DLC1: variants seen among roughly 807,000 people sequenced by gnomAD.
The protein encoded by DLC1 is DLC1 Rho GTPase activating protein.
Under a neutral mutation model 140.3 loss-of-function variants are expected in DLC1, and 54 were observed. The observed-to-expected ratio is 0.38, with a 90% CI of 0.31 to 0.48. The LOEUF (loss-of-function observed/expected upper bound fraction) is 0.48, where lower values mean the gene tolerates loss of function less well. DLC1 is among the 20% of genes least tolerant of loss of function. DLC1 has a pLI of 0.96. For missense variants in DLC1, 2,536 were observed against 1,907.0 expected (o/e 1.33, Z -6.14); for synonymous variants, 986 against 728.1 (o/e 1.35, Z -5.70).
At chr8:13,184,626 T>C (rs1442562412) in intron 5 of DLC1, among the ~76,000 whole-genome samples, 1 of 152,234 alleles carries the variant, frequency 6.6e-6, no homozygotes, top group Non-Finnish European at 1.5e-5. Context: ...AGTTTTGTAA[T>C]CCTGAGTTCT....
intron 2 of DLC1, among the ~76,000 whole-genome samples, chr8:13,472,460 G>C (rs1447032872): frequency 6.6e-6 from 1 of 152,130 alleles, no homozygotes; most frequent in Non-Finnish European, 1.5e-5. Flanking sequence ...TCATATTCTT[G>C]CGTAGAAATT....
At chr8:13,292,095 GT>G in intron 5 of DLC1, among the ~76,000 whole-genome samples, 1 of 151,418 alleles carries the variant, frequency 6.6e-6, no homozygotes, top group Non-Finnish European at 1.5e-5. Flanking sequence ...GTGATCTGCA[GT>G]TTTTTTGTTT....
At chr8:13,453,756 T>A (rs1799264862) in intron 2 of DLC1, among the ~76,000 whole-genome samples, 1 of 151,272 alleles carries the variant, frequency 6.6e-6, no homozygotes, top group African/African-American at 2.4e-5. Context: ...TACTTTGTTA[T>A]AATTGTAGAA....
chr8:13,196,716 C>T (rs1352514953), intron 5 of DLC1, among the ~76,000 whole-genome samples: 1 of 152,220 alleles, frequency 6.6e-6, no homozygotes, highest in Non-Finnish European at 1.5e-5. Context: ...GCTAAGAGAA[C>T]ATCTCATTTA....
intron 4 of DLC1, 93 bp from the exon 5 acceptor site, chr8:13,305,395 A>T: frequency 7.6e-7 from 1 of 1,319,350 alleles, no homozygotes; most frequent in South Asian, 1.5e-5. Flanking sequence ...AATGACGCAA[A>T]AATTAAATAG....
chr8:13,100,463 C>G lies in DLC1; in HGVS notation c.1874G>C (p.Cys625Ser). The G allele has an allele frequency of 6.2e-7, 1 of 1,613,614 alleles. No individual in the cohort carries two copies. The change falls in exon 9 of 18, where the codon TGC (cysteine) becomes TCC (serine). Residue 625 changes from cysteine (C) to serine (S), a missense_variant. Coordinates refer to ENST00000276297, the MANE Select transcript of DLC1 (RefSeq NM_182643.3). The stretch of plus-strand genomic sequence containing the variant: ...ATTGCCTGCCAAGTTGCTGGAGGAG[C>G]AAACGCTGATGACGGAGTTAGTCCG... ...TPRTNSVISV[C>S]SSSNLAGNDD...
intron 1 of DLC1, among the ~76,000 whole-genome samples, chr8:13,590,578 C>T (rs1023675589): frequency 8.6e-5 from 13 of 151,956 alleles, no homozygotes; most frequent in Admixed American, 1.3e-4. Context: ...TTTTGTTGTT[C>T]AGCTCCAGAA....
intron 4 of DLC1, among the ~76,000 whole-genome samples, chr8:13,388,106 C>T (rs1038506645): frequency 7.2e-5 from 11 of 151,962 alleles, no homozygotes; most frequent in Middle Eastern, 3.4e-3. Context: ...TTAATAAATT[C>T]CAGAATAAGA....
chr8:13,518,088 A>G (rs1211291005), upstream of DLC1, among the ~76,000 whole-genome samples: 1 of 142,174 alleles, frequency 7.0e-6, no homozygotes, highest in African/African-American at 2.6e-5. Flanking sequence ...GGTATTTTAA[A>G]GATCACCTTT....
At chr8:13,428,651 C>T (rs10503451) in intron 2 of DLC1, among the ~76,000 whole-genome samples, 23,141 of 151,756 alleles carry the variant, frequency 0.15, 1,825 homozygotes, top group South Asian at 0.2. Flanking sequence ...AGATATGCCT[C>T]GGGAGATTGT....
rs1835631868 is a variant in DLC1, at chr8:13,369,355, G to GTAAAAA, written c.1314+24197_1314+24198insTTTTTA. Among the ~76,000 whole-genome samples the GTAAAAA allele has an allele frequency of 5.1e-5, 7 of 136,056 alleles. 1 individual carries two copies. Among genetic ancestry groups the GTAAAAA allele is most frequent in the African/African-American group, 1.6e-4 (6 of 37,218 alleles). 89.3% of individuals were successfully genotyped at this position (136,056 alleles called of 152,430 possible). On this transcript the variant is annotated intron_variant, in intron 4 of 17. Coordinates refer to ENST00000276297, the MANE Select transcript of DLC1 (RefSeq NM_182643.3). ...CACGTCCAGTATTTTTGGCTGGGTC[G>GTAAAAA]AAAAAAAAAAAAAAAAAAGATTACA...
chr8:13,090,624 G>A (rs564026373), intron 14 of DLC1, among the ~76,000 whole-genome samples, 154 bp from the exon 15 acceptor site: 2 of 152,244 alleles, frequency 1.3e-5, no homozygotes, highest in East Asian at 1.9e-4. Context: ...CTGACCGCAC[G>A]TGTTATCACG....
intron 5 of DLC1, among the ~76,000 whole-genome samples, chr8:13,279,111 C>G (rs901171353): frequency 1.3e-5 from 2 of 152,188 alleles, no homozygotes; most frequent in Non-Finnish European, 2.9e-5. Flanking sequence ...GCTCTTTAAT[C>G]TTAGCCAAAA....
intron 5 of DLC1, among the ~76,000 whole-genome samples, chr8:13,120,356 A>AAATATATATATAT: frequency 3.3e-5 from 2 of 61,128 alleles, no homozygotes; most frequent in African/African-American, 8.3e-5. Flanking sequence ...AAAAAAAAAA[A>AAATATATATATAT]ATATATATAT....
chr8:13,420,845 G>T (rs1294200736), intron 2 of DLC1, among the ~76,000 whole-genome samples: 2 of 152,102 alleles, frequency 1.3e-5, no homozygotes, highest in Non-Finnish European at 2.9e-5. Flanking sequence ...GGCAAATACA[G>T]ACTAACCTGC....
At chr8:13,429,912 C>G (rs1345237343) in intron 2 of DLC1, among the ~76,000 whole-genome samples, 1 of 152,144 alleles carries the variant, frequency 6.6e-6, no homozygotes, top group Non-Finnish European at 1.5e-5. Context: ...TTTTTGATAT[C>G]TTTAAGTTAT....
chr8:13,595,684 A>G (rs919957943), intron 1 of DLC1, among the ~76,000 whole-genome samples: 2 of 152,070 alleles, frequency 1.3e-5, no homozygotes, highest in Admixed American at 6.6e-5. Flanking sequence ...AAACATAAAC[A>G]TTCTCTCAAA....
In DLC1 at chr8:13,407,786, C is replaced by T. The variant is rs112154280; in HGVS notation, c.1024-6167G>A. Among the ~76,000 whole-genome samples, 553 of 152,296 alleles carry T rather than the reference C, an allele frequency of 3.6e-3. 2 individuals are homozygous for T. Among genetic ancestry groups the T allele is most frequent in the African/African-American group, 0.013 (541 of 41,558 alleles). On this transcript the variant is annotated intron_variant, in intron 2 of 17. Coordinates refer to ENST00000276297, the MANE Select transcript of DLC1 (RefSeq NM_182643.3). ...TACTGGTTATTCTGGACTGCTAATACTCCTCACTCACCCGTGAAAGAAAGG... is the reference window on the plus strand; with the variant it reads ...TACTGGTTATTCTGGACTGCTAATATTCCTCACTCACCCGTGAAAGAAAGG...
chr8:13,390,644 T>C (rs1291185436), intron 4 of DLC1, among the ~76,000 whole-genome samples: 1 of 152,174 alleles, frequency 6.6e-6, no homozygotes, highest in Non-Finnish European at 1.5e-5. Flanking sequence ...GGCACACGTA[T>C]GCATACCTAT....
Sources: allele counts gnomAD v4.1 joint callset (sites outside exome capture counted in the v4.1 genomes callset), GRCh38; gene constraint gnomAD v4.1.1; transcripts MANE v1.5; gene names NCBI Gene and HGNC (gene_info 2026-07-23, HGNC 2026-07-21).